Variants in IGFL2 observed in about 807,000 individuals in gnomAD.
IGFL2 encodes insulin growth factor-like family member 2.
In IGFL2, 7 loss-of-function variants were observed where a neutral mutation model predicts 13.9. That is an observed-to-expected ratio of 0.51 (90% confidence interval 0.29 to 0.95). The LOEUF is 0.95. IGFL2 is among the 40% of genes least tolerant of loss of function. The probability of loss-of-function intolerance (pLI) is 0.08; values close to 1 mark genes in which losing one functional copy is unlikely to be tolerated. For synonymous variants in IGFL2, 55 were observed against 55.8 expected (o/e 0.99, Z 0.07); for missense variants, 138 against 147.8 (o/e 0.93, Z 0.34).
At chr19:46,124,859 T>G in the IGFL2 span, among the ~76,000 whole-genome samples, 1 of 150,684 alleles carries the variant, frequency 6.6e-6, no homozygotes, top group Non-Finnish European at 1.5e-5. Context: ...GGAGACTGGG[T>G]GGCGTAAGGG....
chr19:46,199,269 T>C, the IGFL2 span, among the ~76,000 whole-genome samples: 1 of 152,204 alleles, frequency 6.6e-6, no homozygotes, highest in Non-Finnish European at 1.5e-5. Flanking sequence ...CAAATGTCTG[T>C]CTGAGGTCAG....
chr19:46,114,937 C>T, the IGFL2 span, among the ~76,000 whole-genome samples: 4 of 152,162 alleles, frequency 2.6e-5, no homozygotes, highest in Non-Finnish European at 4.4e-5. Flanking sequence ...CAGAAATTTG[C>T]ATTTTCATCC....
chr19:46,128,441 TC>T, the IGFL2 span, among the ~76,000 whole-genome samples: 4 of 152,240 alleles, frequency 2.6e-5, no homozygotes, highest in Non-Finnish European at 5.9e-5. Context: ...GGTGAATTCT[TC>T]CAGCTTTTGC....
chr19:46,166,467 A>C, the IGFL2 span, among the ~76,000 whole-genome samples: 1 of 152,240 alleles, frequency 6.6e-6, no homozygotes, highest in Non-Finnish European at 1.5e-5. Flanking sequence ...TCACAGGGCC[A>C]CAGGACTGAG....
At chr19:46,105,765 A>G in the IGFL2 span, among the ~76,000 whole-genome samples, 1 of 152,218 alleles carries the variant, frequency 6.6e-6, no homozygotes, top group African/African-American at 2.4e-5. Context: ...GAGCAGCAGC[A>G]GCTGCTGCAC....
At chr19:46,162,548 T>TC (rs1974214129), downstream of IGFL2, among the ~76,000 whole-genome samples, 1 of 152,236 alleles carries the variant, frequency 6.6e-6, no homozygotes, top group Admixed American at 6.5e-5. Context: ...GAACCAGTCT[T>TC]CAAGTTCTGA....
the IGFL2 span, among the ~76,000 whole-genome samples, chr19:46,131,588 A>AT: frequency 6.6e-6 from 1 of 152,118 alleles, no homozygotes. Flanking sequence ...CACCCATTTA[A>AT]TTTTACGTAA....
At chr19:46,175,621 C>G in the IGFL2 span, among the ~76,000 whole-genome samples, 1 of 152,122 alleles carries the variant, frequency 6.6e-6, no homozygotes, top group South Asian at 2.1e-4. Flanking sequence ...CAGCTGCAAC[C>G]TCTGCCTCCC....
At chr19:46,207,294 C>T in the IGFL2 span, 9 of 152,274 alleles carry the variant, frequency 5.9e-5, no homozygotes, top group East Asian at 1.7e-3. Flanking sequence ...GTGGGTGATA[C>T]TGAAAGTTTC....
At chr19:46,144,581 C>G (rs908645415), upstream of IGFL2, among the ~76,000 whole-genome samples, 1 of 152,162 alleles carries the variant, frequency 6.6e-6, no homozygotes, top group African/African-American at 2.4e-5. Context: ...TTCTTTGCAG[C>G]TAGAACAGCA....
the IGFL2 span, among the ~76,000 whole-genome samples, chr19:46,135,877 G>C: frequency 6.6e-6 from 1 of 152,314 alleles, no homozygotes; most frequent in East Asian, 1.9e-4. Flanking sequence ...AAGTGTGGCA[G>C]CAAACACTTT....
chr19:46,182,365 TAAA>T, the IGFL2 span, among the ~76,000 whole-genome samples: 3 of 78,678 alleles, frequency 3.8e-5, no homozygotes, highest in African/African-American at 4.6e-5. Context: ...AGACTTTGCC[TAAA>T]AAAAAAAAAA....
the IGFL2 span, among the ~76,000 whole-genome samples, chr19:46,083,934 A>G: frequency 6.6e-6 from 1 of 152,234 alleles, no homozygotes; most frequent in Non-Finnish European, 1.5e-5. Flanking sequence ...ATTTACTGCT[A>G]TAAACTTCCC....
intron 1 of IGFL2, among the ~76,000 whole-genome samples, chr19:46,156,931 G>T (rs548265175): frequency 2.0e-5 from 3 of 152,116 alleles, no homozygotes; most frequent in Non-Finnish European, 4.4e-5. Context: ...CAAATTGTCA[G>T]TATCAGGAAT....
At chr19:46,109,945 A>G in the IGFL2 span, among the ~76,000 whole-genome samples, 1 of 152,156 alleles carries the variant, frequency 6.6e-6, no homozygotes, top group South Asian at 2.1e-4. Flanking sequence ...AGGGGATATG[A>G]TGGCTTAGCT....
the IGFL2 span, chr19:46,120,106 A>G: frequency 1.7e-6 from 1 of 575,032 alleles, no homozygotes; most frequent in South Asian, 2.2e-5. Context: ...TGCCGATGAA[A>G]GTGGCTCTCA....
chr19:46,106,229 G>T, the IGFL2 span, among the ~76,000 whole-genome samples: 1 of 152,172 alleles, frequency 6.6e-6, no homozygotes, highest in African/African-American at 2.4e-5. Flanking sequence ...GGCTTTGGAG[G>T]GGGATATGCA....
chr19:46,196,800 G>A, the IGFL2 span: 2 of 152,510 alleles, frequency 1.3e-5, no homozygotes, highest in African/African-American at 4.8e-5. Flanking sequence ...CGCAGGCTGG[G>A]GTCCCAAAGA....
the IGFL2 span, among the ~76,000 whole-genome samples, chr19:46,091,831 T>C: frequency 6.6e-6 from 1 of 152,210 alleles, no homozygotes; most frequent in Non-Finnish European, 1.5e-5. Context: ...CAATGACAAA[T>C]ACAAAAGCAT....
Sources: gnomAD v4.1 joint callset for allele counts (sites outside exome capture counted in the v4.1 genomes callset) on GRCh38, gnomAD v4.1.1 for gene constraint, MANE v1.5 for transcripts, NCBI Gene and HGNC (gene_info 2026-07-23, HGNC 2026-07-21) for gene names.